The following WFDC9 variants were observed in gnomAD, a reference collection of about 807,000 sequenced individuals.
The protein encoded by WFDC9 is WAP four-disulfide core domain 9, also known as protein WFDC9.
Under a neutral mutation model 9.5 loss-of-function variants are expected in WFDC9, and 9 were observed. That is an observed-to-expected ratio of 0.95 (90% confidence interval 0.57 to 1.65). The LOEUF (loss-of-function observed/expected upper bound fraction) is 1.65. Among genes scored for constraint, WFDC9 ranks in the 40% most tolerant of loss-of-function variants. The probability of loss-of-function intolerance (pLI) is 0.00; values close to 1 mark genes in which losing one functional copy is unlikely to be tolerated. For synonymous variants in WFDC9, 33 were observed against 32.3 expected, an observed-to-expected ratio of 1.02 and a Z score of -0.07; for missense variants, 87 against 106.7, an observed-to-expected ratio of 0.82 and a Z score of 0.81.
intron 1 of WFDC9, among the ~76,000 whole-genome samples, chr20:45,615,452 G>A (rs958160671): frequency 2.0e-5 from 3 of 152,164 alleles, no homozygotes; most frequent in Non-Finnish European, 4.4e-5. Context: ...AGTGACAGGA[G>A]ATGTCAATAT....
rs1057176895 is a variant in WFDC9, at chr20:45,615,861, T to A, written c.-152-1140A>T. ...GTCTGTCAAGTGTTCAATAGCATTA[T>A]GTATAAAAAATAATGTGCATACCAT... On this transcript the variant is annotated intron_variant, in intron 1 of 4. Coordinates refer to ENST00000326000, the MANE Select transcript of WFDC9 (RefSeq NM_147198.4). Among the ~76,000 whole-genome samples, 83 of 152,230 alleles carry A rather than the reference T, an allele frequency of 5.5e-4. 1 individual carries two copies. Among genetic ancestry groups the A allele is most frequent in the South Asian group, 4.1e-4 (2 of 4,830 alleles).
chr20:45,621,284 T>C (rs552815983), intron 1 of WFDC9, among the ~76,000 whole-genome samples: 1 of 152,378 alleles, frequency 6.6e-6, no homozygotes, highest in African/African-American at 2.4e-5. Flanking sequence ...TGATATTTTC[T>C]AGACAGTTTT....
intron 1 of WFDC9, among the ~76,000 whole-genome samples, chr20:45,625,192 G>A (rs1982189371): frequency 6.6e-6 from 1 of 152,282 alleles, no homozygotes; most frequent in Non-Finnish European, 1.5e-5. Flanking sequence ...GAGAGCTCAT[G>A]CAGGGGAAAC....
At chr20:45,629,682 C>T in intron 1 of WFDC9, 6 of 1,186,908 alleles carry the variant, frequency 5.1e-6, no homozygotes, top group East Asian at 5.2e-5. Flanking sequence ...TGCTCTGCTC[C>T]GACTTGGCCA....
chr20:45,625,305 T>C (rs891722339), intron 1 of WFDC9, among the ~76,000 whole-genome samples: 1 of 152,144 alleles, frequency 6.6e-6, no homozygotes, highest in Non-Finnish European at 1.5e-5. Flanking sequence ...GCCAGGTCCC[T>C]CACTCCACAC....
At chr20:45,622,604 TGA>T (rs1237033091) in intron 1 of WFDC9, among the ~76,000 whole-genome samples, 8 of 152,170 alleles carry the variant, frequency 5.3e-5, no homozygotes, top group African/African-American at 1.9e-4. Flanking sequence ...CTGAAACATT[TGA>T]GAGTCAGTTA....
At chr20:45,613,554 G>A (rs1981906611) in intron 2 of WFDC9, among the ~76,000 whole-genome samples, 1 of 152,190 alleles carries the variant, frequency 6.6e-6, no homozygotes, top group Non-Finnish European at 1.5e-5. Flanking sequence ...CAACATCTTA[G>A]CTTGGCAACT....
At chr20:45,629,581 T>C in intron 1 of WFDC9, 1 of 402,284 alleles carries the variant, frequency 2.5e-6, no homozygotes. Flanking sequence ...AGACTGGTTA[T>C]GTGAAAGGAG....
In WFDC9 at chr20:45,628,152, A is replaced by G. The variant is rs1200705392; in HGVS notation, c.-153+3051T>C. Among the ~76,000 whole-genome samples the G allele has an allele frequency of 2.6e-5, 4 of 152,332 alleles. No individual in the cohort carries two copies. The East Asian group carries it at 7.7e-4, about 29-fold the overall frequency. On this transcript the variant is annotated intron_variant, in intron 1 of 4. Transcript: ENST00000326000. The stretch of plus-strand genomic sequence containing the variant: ...TGTTGACTAGACTGCTTTAACAGAA[A>G]GCCTCCATCACATAATAACTGAAAT...
chr20:45,609,498 G>A (rs536005591), intron 3 of WFDC9, among the ~76,000 whole-genome samples: 1 of 152,164 alleles, frequency 6.6e-6, no homozygotes, highest in African/African-American at 2.4e-5. Flanking sequence ...GCCGTGCCCA[G>A]CCATTTTTCT....
In WFDC9 at chr20:45,608,772, G is replaced by A. The variant is rs749047761; in HGVS notation, c.130C>T (p.Gln44Ter). 1.2e-6 allele frequency: 2 copies of A among 1,613,882 alleles called. No individual in the cohort carries two copies. Among genetic ancestry groups the A allele is most frequent in the Non-Finnish European group, 1.7e-6 (2 of 1,179,932 alleles). The stretch of plus-strand genomic sequence containing the variant: ...TTCTCACAGTACTTATATGGAGGCT[G>A]TACCCAGCACTGCTCAGTTTCTCTT... ...MIRETEQCWV[Q>*]PPYKYCEKRC... Residue 44 changes from glutamine (Q) to a stop codon, truncating the protein, a stop_gained, in exon 4 of 5, where the codon CAG becomes TAG. Coordinates refer to ENST00000326000, the MANE Select transcript of WFDC9 (RefSeq NM_147198.4). LOFTEE classifies it high-confidence loss of function.
At chr20:45,620,237 T>C (rs943065605) in intron 1 of WFDC9, among the ~76,000 whole-genome samples, 6 of 152,212 alleles carry the variant, frequency 3.9e-5, no homozygotes, top group Non-Finnish European at 7.3e-5. Context: ...GAAAATATTG[T>C]ATGGCATTAG....
intron 1 of WFDC9, among the ~76,000 whole-genome samples, chr20:45,621,202 C>T (rs1216597386): frequency 6.6e-6 from 1 of 152,170 alleles, no homozygotes; most frequent in Non-Finnish European, 1.5e-5. Flanking sequence ...ATTTCTAAAA[C>T]TTCTAAGTTT....
intron 1 of WFDC9, among the ~76,000 whole-genome samples, chr20:45,619,301 A>T (rs1005829866): frequency 6.6e-6 from 1 of 152,158 alleles, no homozygotes; most frequent in African/African-American, 2.4e-5. Context: ...GACTCCTGCC[A>T]CTCATGATTC....
chr20:45,610,019 C>T (rs190949595), intron 3 of WFDC9, 72 bp downstream of exon 3: 62 of 1,209,388 alleles, frequency 5.1e-5, no homozygotes, highest in African/African-American at 5.0e-4. Context: ...TCTTGACATG[C>T]AGGCCCTGGA....
At chr20:45,620,568 G>T (rs563402073) in intron 1 of WFDC9, among the ~76,000 whole-genome samples, 2 of 152,204 alleles carry the variant, frequency 1.3e-5, no homozygotes, top group South Asian at 2.1e-4. Context: ...CTCCAGCCTG[G>T]GTGATAGAGT....
chr20:45,611,383 T>C (rs1981857164), intron 2 of WFDC9, among the ~76,000 whole-genome samples: 2 of 152,172 alleles, frequency 1.3e-5, no homozygotes, highest in Admixed American at 1.3e-4. Context: ...ATTTATGTAG[T>C]TGTGACTAAT....
At chr20:45,609,261 CG>C (rs1416104706) in intron 3 of WFDC9, among the ~76,000 whole-genome samples, 1 of 150,300 alleles carries the variant, frequency 6.7e-6, no homozygotes, top group Non-Finnish European at 1.5e-5. Context: ...TGGAGTGCAA[CG>C]GCATGATCTC....
chr20:45,628,566 A>G (rs571210441), intron 1 of WFDC9, among the ~76,000 whole-genome samples: 2 of 152,342 alleles, frequency 1.3e-5, no homozygotes, highest in South Asian at 4.1e-4. Context: ...TTATGAGTGG[A>G]CAAAAAGAAA....
Sources: allele counts gnomAD v4.1 joint callset (sites outside exome capture counted in the v4.1 genomes callset), GRCh38; gene constraint gnomAD v4.1.1; transcripts MANE v1.5; gene names NCBI Gene and HGNC (gene_info 2026-07-23, HGNC 2026-07-21).